The following LRP1B variants were observed in gnomAD, a reference collection of about 807,000 sequenced individuals.
LRP1B encodes low-density lipoprotein receptor-related protein 1B.
In LRP1B, 217 loss-of-function variants were observed where a neutral mutation model predicts 556.6. That is an observed-to-expected ratio of 0.39 (90% CI 0.35 to 0.44). The LOEUF (loss-of-function observed/expected upper bound fraction) is 0.44, where lower values mean the gene tolerates loss of function less well. Among genes scored for constraint, LRP1B ranks in the 20% least tolerant of loss-of-function variants. The pLI, the probability that LRP1B is intolerant of heterozygous loss-of-function variation, is 1.00. For missense variants in LRP1B, 5,053 were observed against 5,620.8 expected (o/e 0.90, Z 3.23); for synonymous variants, 2,047 against 1,865.8 (o/e 1.10, Z -2.50).
At chr2:140,642,525 T>C (rs1278783869) in intron 41 of LRP1B, among the ~76,000 whole-genome samples, 4 of 152,064 alleles carry the variant, frequency 2.6e-5, no homozygotes, top group Admixed American at 1.3e-4. Context: ...TGATAAAATG[T>C]ACCCCAGTAC....
intron 2 of LRP1B, among the ~76,000 whole-genome samples, chr2:141,674,570 A>C (rs1690803212): frequency 6.6e-6 from 1 of 152,064 alleles, no homozygotes; most frequent in African/African-American, 2.4e-5. Context: ...TAATCATACT[A>C]TTTAATGTTT....
chr2:142,079,497 CTCT>C (rs1559059133), intron 1 of LRP1B, among the ~76,000 whole-genome samples: 200 of 66,558 alleles, frequency 3.0e-3, no homozygotes, highest in African/African-American at 7.4e-3. Flanking sequence ...TTCTTTCTTT[CTCT>C]TTTTTTTTAT....
chr2:140,668,308 TCAAAAAAAAAA>T lies in LRP1B; in HGVS notation c.6799+31931_6799+31941del, dbSNP rs1685354613. On this transcript the variant is annotated intron_variant, in intron 41 of 90. Transcript: ENST00000389484. Reference sequence around the variant, plus strand: ...CTGGGTGACAGAGCGAGACTCCGTCTCAAAAAAAAAAAAAAAAAAAAAAAAAAAAAAAAAAA... The same window carrying T: ...CTGGGTGACAGAGCGAGACTCCGTCTAAAAAAAAAAAAAAAAAAAAAAAAA... Among the ~76,000 whole-genome samples the T allele has an allele frequency of 4.7e-5, 2 of 42,776 alleles. 1 individual carries two copies. Among genetic ancestry groups the T allele is most frequent in the Non-Finnish European group, 7.7e-5 (2 of 25,878 alleles). The allele number at this position is 42,776 out of a possible 152,430, so 28.1% of individuals were successfully genotyped here.
chr2:141,701,918 G>C (rs567065988), intron 2 of LRP1B, among the ~76,000 whole-genome samples: 18 of 151,922 alleles, frequency 1.2e-4, no homozygotes, highest in African/African-American at 4.1e-4. Flanking sequence ...AAATGTGATT[G>C]TCCCAATCCT....
At chr2:140,384,389 T>C (rs1361601464) in intron 67 of LRP1B, among the ~76,000 whole-genome samples, 2 of 152,200 alleles carry the variant, frequency 1.3e-5, no homozygotes, top group African/African-American at 4.8e-5. Context: ...CGTCAGAATT[T>C]TATTTTAATC....
intron 6 of LRP1B, among the ~76,000 whole-genome samples, chr2:141,213,786 T>A (rs1223297049): frequency 6.6e-6 from 1 of 152,236 alleles, no homozygotes; most frequent in African/African-American, 2.4e-5. Flanking sequence ...GTTTCTATAC[T>A]GTATTGGTTT....
intron 3 of LRP1B, among the ~76,000 whole-genome samples, chr2:141,309,323 G>A (rs1358680698): frequency 1.3e-5 from 2 of 152,170 alleles, no homozygotes; most frequent in East Asian, 1.9e-4. Flanking sequence ...AATTCTTATG[G>A]GCTTGGTTTT....
At chr2:140,504,002 C>T (rs552472925) in intron 53 of LRP1B, among the ~76,000 whole-genome samples, 1 of 152,124 alleles carries the variant, frequency 6.6e-6, no homozygotes, top group Non-Finnish European at 1.5e-5. Flanking sequence ...CGCTCTCTCT[C>T]CTCCTTCATT....
At chr2:141,465,938 G>C (rs913563387) in intron 3 of LRP1B, among the ~76,000 whole-genome samples, 2 of 151,504 alleles carry the variant, frequency 1.3e-5, no homozygotes, top group African/African-American at 4.9e-5. Flanking sequence ...ACCCAGGCTG[G>C]AGTGCAATGG....
At chr2:140,634,077 A>C (rs1323287055) in intron 41 of LRP1B, among the ~76,000 whole-genome samples, 1 of 152,196 alleles carries the variant, frequency 6.6e-6, no homozygotes, top group Non-Finnish European at 1.5e-5. Flanking sequence ...CAAATGTAGC[A>C]GTGCATGAAA....
At chr2:140,452,412 C>T (rs566048256) in intron 62 of LRP1B, among the ~76,000 whole-genome samples, 14 of 152,174 alleles carry the variant, frequency 9.2e-5, no homozygotes, top group East Asian at 3.9e-4. Context: ...CGGTATATAA[C>T]GTTTAGTCAA....
At chr2:141,317,407 C>A (rs1687072905) in intron 3 of LRP1B, among the ~76,000 whole-genome samples, 1 of 152,130 alleles carries the variant, frequency 6.6e-6, no homozygotes, top group Admixed American at 6.6e-5. Flanking sequence ...TCTGTGTACA[C>A]AACATTCTAC....
intron 43 of LRP1B, among the ~76,000 whole-genome samples, chr2:140,583,523 A>G (rs978148310): frequency 3.3e-5 from 5 of 151,710 alleles, no homozygotes; most frequent in Non-Finnish European, 7.4e-5. Flanking sequence ...TCTTCCCTCT[A>G]AGATACGTCT....
chr2:141,380,617 G>T (rs1689602908), intron 3 of LRP1B, among the ~76,000 whole-genome samples: 1 of 152,148 alleles, frequency 6.6e-6, no homozygotes, highest in African/African-American at 2.4e-5. Context: ...GCAAAGAGAT[G>T]ATTTCAAGAG....
intron 75 of LRP1B, among the ~76,000 whole-genome samples, chr2:140,355,818 A>G (rs939126648): frequency 2.0e-5 from 3 of 151,902 alleles, no homozygotes; most frequent in African/African-American, 7.2e-5. Context: ...TGGCTATCCT[A>G]CATGCTCAAT....
At chr2:141,977,224 C>A (rs1411867758) in intron 1 of LRP1B, among the ~76,000 whole-genome samples, 1 of 152,040 alleles carries the variant, frequency 6.6e-6, no homozygotes, top group East Asian at 1.9e-4. Flanking sequence ...ATCCAGTAAG[C>A]TTTGATATTC....
intron 2 of LRP1B, among the ~76,000 whole-genome samples, chr2:141,624,120 T>G (rs1343037001): frequency 6.7e-6 from 1 of 149,890 alleles, no homozygotes; most frequent in East Asian, 2.0e-4. Context: ...AAAGGGTATA[T>G]GTATATAGTC....
In LRP1B at chr2:141,347,443, A is replaced by G. The variant is rs2105530634; in HGVS notation, c.344-92802T>C. 2.6e-5 allele frequency among the ~76,000 whole-genome samples: 4 copies of G among 151,718 alleles called. No individual in the cohort carries two copies. The South Asian group carries it at 8.3e-4, about 31-fold the overall frequency. On this transcript the variant is annotated intron_variant, in intron 3 of 90. Coordinates refer to ENST00000389484, the MANE Select transcript of LRP1B (RefSeq NM_018557.3). ...ATTGAAACTTAAAAGTATGTGTTAAATTAACCATACAGTAACCTCTTACAA... is the reference window on the plus strand; with the variant it reads ...ATTGAAACTTAAAAGTATGTGTTAAGTTAACCATACAGTAACCTCTTACAA...
intron 4 of LRP1B, among the ~76,000 whole-genome samples, chr2:141,250,712 T>C (rs1297305965): frequency 6.6e-6 from 1 of 152,150 alleles, no homozygotes; most frequent in Non-Finnish European, 1.5e-5. Flanking sequence ...ACCTGAGTCT[T>C]GCAGTACTAG....
Sources: allele counts gnomAD v4.1 joint callset (sites outside exome capture counted in the v4.1 genomes callset), GRCh38; gene constraint gnomAD v4.1.1; transcripts MANE v1.5; gene names NCBI Gene and HGNC (gene_info 2026-07-23, HGNC 2026-07-21).